Variants in GFOD1 observed in about 807,000 individuals in gnomAD.
GFOD1 encodes the protein Gfo/Idh/MocA-like oxidoreductase domain containing 1.
GFOD1 carries 9 observed loss-of-function variants against 25.4 expected under a neutral mutation model. The ratio of observed to expected loss-of-function variants is 0.35; its 90% CI spans 0.21 to 0.62. The LOEUF is 0.62. GFOD1 is among the 20% of genes least tolerant of loss of function. The probability of loss-of-function intolerance (pLI) is 0.72; values close to 1 mark genes in which losing one functional copy is unlikely to be tolerated. For missense variants in GFOD1, 403 were observed against 556.9 expected (o/e 0.72, Z 2.78); for synonymous variants, 253 against 245.6 (o/e 1.03, Z -0.28).
In GFOD1 at chr6:13,362,147, C is replaced by T. The variant is rs1784955950; in HGVS notation, c.*2596G>A. ...AATTCCAATGTTTCCCCAAAAACTA[C>T]TTTCCCAGGGAGCAATTTAGAAGAA... is the stretch of plus-strand genomic sequence containing the variant. On this transcript the variant is annotated 3_prime_UTR_variant, in exon 2 of 2. Transcript: ENST00000379287. 1.3e-5 allele frequency: 2 copies of T among 152,116 alleles called. No individual in the cohort carries two copies. The highest frequency in any genetic ancestry group is 2.9e-5 in the Non-Finnish European group (2 of 68,028). The allele number at this position is 152,116 out of a possible 1,614,324, so 9.4% of individuals were successfully genotyped here. A position where few individuals can be genotyped will look rare whatever the true frequency, so the allele number is the denominator to read the frequency against.
rs1037281819 is a variant in GFOD1 at position 13,469,677 on chromosome 6, T to C, written c.253+16961A>G. On this transcript the variant is annotated intron_variant, in intron 1 of 1. Transcript: ENST00000379287. ...CTACTGCAAAGACCTACAGTTATCTTACTACCAAGAAAGAAAAGCCCTTTT... is the reference window on the plus strand; with the variant it reads ...CTACTGCAAAGACCTACAGTTATCTCACTACCAAGAAAGAAAAGCCCTTTT... 6 of 1,174,018 alleles carry C rather than the reference T, an allele frequency of 5.1e-6. 1 individual carries two copies. The South Asian group carries it at 8.5e-5, about 17-fold the overall frequency. 72.7% of individuals were successfully genotyped at this position (1,174,018 alleles called of 1,614,324 possible).
Position 13,358,776 on chromosome 6 carries a change from T to C in GFOD1, c.*5967A>G, listed in dbSNP as rs1484958204. The C allele has an allele frequency of 6.6e-6, 1 of 152,390 alleles. No homozygotes were observed. The highest frequency in any genetic ancestry group is 2.4e-5 in the African/African-American group (1 of 41,472). 9.4% of individuals were successfully genotyped at this position (152,390 alleles called of 1,614,324 possible). On this transcript the variant is annotated 3_prime_UTR_variant, in exon 2 of 2. Transcript: ENST00000379287. ...AACTCCATGACTATTGTCTAGCCCC[T>C]GCCTACATCTGCCCAGGCAAGCTTT...
At chr6:13,446,936 C>G (rs1758012474) in intron 1 of GFOD1, among the ~76,000 whole-genome samples, 1 of 152,216 alleles carries the variant, frequency 6.6e-6, no homozygotes, top group Admixed American at 6.5e-5. Flanking sequence ...CTGAGTCCAT[C>G]CAGCTCTAAG....
rs187146945 is a variant in GFOD1 at position 13,366,647 on chromosome 6, A to T, written c.254-985T>A. 5.1e-3 allele frequency among the ~76,000 whole-genome samples: 758 copies of T among 147,276 alleles called. 13 individuals carry two copies. The highest frequency in any genetic ancestry group is 0.048 in the East Asian group (239 of 4,956). ...CTGCGCCCAGCCATTTTTTTTTTTT[A>T]AAAGAGATGGGGTCTCCAATTTTTT... On this transcript the variant is annotated intron_variant, in intron 1 of 1. Transcript: ENST00000379287.
chr6:13,473,765 AC>A (rs1226863632), intron 1 of GFOD1, among the ~76,000 whole-genome samples: 3 of 152,050 alleles, frequency 2.0e-5, no homozygotes, highest in African/African-American at 7.2e-5. Context: ...TTGAAGACCA[AC>A]CCACCTTTTC....
chr6:13,437,699 T>C (rs547417765), intron 1 of GFOD1, among the ~76,000 whole-genome samples: 4 of 152,296 alleles, frequency 2.6e-5, no homozygotes, highest in Middle Eastern at 6.8e-3. Context: ...GATGGATGTG[T>C]ATAGATATAC....
At chr6:13,413,379 C>G (rs1786111081) in intron 1 of GFOD1, among the ~76,000 whole-genome samples, 1 of 152,238 alleles carries the variant, frequency 6.6e-6, no homozygotes, top group Non-Finnish European at 1.5e-5. Flanking sequence ...CACATCAGCA[C>G]AGCTGGAGTC....
intron 1 of GFOD1, among the ~76,000 whole-genome samples, chr6:13,456,590 C>T (rs2127574703): frequency 6.6e-6 from 1 of 152,344 alleles, no homozygotes; most frequent in Middle Eastern, 3.4e-3. Flanking sequence ...ATCACGGTCA[C>T]CTCTAATCCT....
chr6:13,486,940 C>A lies in GFOD1; in HGVS notation c.-50G>T, dbSNP rs1758886091. The A allele has an allele frequency of 2.5e-6, 4 of 1,579,190 alleles. No homozygotes were observed. The highest frequency in any genetic ancestry group is 3.4e-6 in the Non-Finnish European group (4 of 1,168,474). ...GCTTCTGCTCGGATCTCCAGTCCAA[C>A]GCGCGCACACACCCACCTCTAGCCA... On this transcript the variant is annotated 5_prime_UTR_variant, in exon 1 of 2. Coordinates refer to ENST00000379287, the MANE Select transcript of GFOD1 (RefSeq NM_018988.4).
At chr6:13,470,671 T>C (rs1308984976) in intron 1 of GFOD1, 10 of 1,439,872 alleles carry the variant, frequency 6.9e-6, no homozygotes, top group Non-Finnish European at 9.1e-6. Context: ...GGAACACATC[T>C]CATTTTCTAC....
At position 13,486,567 on chromosome 6, in the gene GFOD1, AG is replaced by A. The variant is rs1039121685; in HGVS notation, c.253+70del. 2,844 of 1,204,312 alleles carry A rather than the reference AG, an allele frequency of 2.4e-3. 3 individuals carry two copies. Among genetic ancestry groups the A allele is most frequent in the Non-Finnish European group, 3.0e-3 (2,573 of 870,706 alleles). 74.6% of individuals were successfully genotyped at this position (1,204,312 alleles called of 1,614,324 possible). On this transcript the variant is annotated intron_variant, in intron 1 of 1. Coordinates refer to ENST00000379287, the MANE Select transcript of GFOD1 (RefSeq NM_018988.4). The stretch of plus-strand genomic sequence containing the variant: ...TTCTGGGATGCGGAGAGGGAAAGGC[AG>A]GGGGGAAGGAACCTAGAGAAGGTTA...
chr6:13,400,149 T>C (rs192914982), intron 1 of GFOD1, among the ~76,000 whole-genome samples: 1 of 152,188 alleles, frequency 6.6e-6, no homozygotes, highest in East Asian at 1.9e-4. Context: ...AAAATAGACA[T>C]AGTGCAGGCC....
intron 1 of GFOD1, among the ~76,000 whole-genome samples, chr6:13,461,874 A>C (rs1758295863): frequency 6.6e-6 from 1 of 152,166 alleles, no homozygotes; most frequent in Non-Finnish European, 1.5e-5. Flanking sequence ...GGCACCAAGA[A>C]CGCCACTTGC....
At chr6:13,484,597 G>T (rs992209800) in intron 1 of GFOD1, among the ~76,000 whole-genome samples, 1 of 152,156 alleles carries the variant, frequency 6.6e-6, no homozygotes, top group Non-Finnish European at 1.5e-5. Flanking sequence ...GCCTCTTATC[G>T]CTGGTTTTGA....
intron 1 of GFOD1, among the ~76,000 whole-genome samples, chr6:13,383,896 A>AT (rs1366470043): frequency 6.6e-6 from 1 of 152,210 alleles, no homozygotes; most frequent in African/African-American, 2.4e-5. Context: ...GCCTACATTT[A>AT]TTTTTTAACA....
rs10530031 is a variant in GFOD1, at chr6:13,373,741, A to AACACACACAC, written c.254-8089_254-8080dup. Among the ~76,000 whole-genome samples, 1,174 of 129,580 alleles carry AACACACACAC rather than the reference A, an allele frequency of 9.1e-3. 31 individuals are homozygous for AACACACACAC. Among genetic ancestry groups the AACACACACAC allele is most frequent in the African/African-American group, 0.033 (1,091 of 33,080 alleles). The allele number at this position is 129,580 out of a possible 152,430, so 85.0% of individuals were successfully genotyped here. ...CTGCTAATCTCCTTCCTGCTCCCCC[A>AACACACACAC]ACACACACACACACACACACACACA... On this transcript the variant is annotated intron_variant, in intron 1 of 1. Transcript: ENST00000379287.
chr6:13,447,190 T>C (rs1758016925), intron 1 of GFOD1, among the ~76,000 whole-genome samples: 1 of 152,160 alleles, frequency 6.6e-6, no homozygotes, highest in Non-Finnish European at 1.5e-5. Context: ...GATGAAGGTG[T>C]GGGCAGGGCT....
chr6:13,400,029 C>T (rs1391428150), intron 1 of GFOD1, among the ~76,000 whole-genome samples: 3 of 151,974 alleles, frequency 2.0e-5, no homozygotes, highest in African/African-American at 7.3e-5. Flanking sequence ...TACTGAGAAG[C>T]TGTTTTAATC....
At position 13,410,504 on chromosome 6, in the gene GFOD1, T is replaced by G. The variant is rs1487188540; in HGVS notation, c.254-44842A>C. Among the ~76,000 whole-genome samples, 4 of 149,932 alleles carry G rather than the reference T, an allele frequency of 2.7e-5. No homozygotes were observed. The East Asian group carries it at 7.9e-4, about 29-fold the overall frequency. ...ATTGCTTGAACCCAGGAGGCAGAGGTTGCAGTGAGCTTAGATAGCATCATT... is the reference window on the plus strand; with the variant it reads ...ATTGCTTGAACCCAGGAGGCAGAGGGTGCAGTGAGCTTAGATAGCATCATT... On this transcript the variant is annotated intron_variant, in intron 1 of 1. Coordinates refer to ENST00000379287, the MANE Select transcript of GFOD1 (RefSeq NM_018988.4).
Sources: allele counts gnomAD v4.1 joint callset (sites outside exome capture counted in the v4.1 genomes callset), GRCh38; gene constraint gnomAD v4.1.1; transcripts MANE v1.5; gene names NCBI Gene and HGNC (gene_info 2026-07-23, HGNC 2026-07-21).